The following PHACTR2 variants were observed in gnomAD, a reference collection of about 807,000 sequenced individuals.
PHACTR2 encodes the protein phosphatase and actin regulator 2, also known as chromosome 6 open reading frame 56.
Under a neutral mutation model 76.0 loss-of-function variants are expected in PHACTR2, and 30 were observed. That is an observed-to-expected ratio of 0.39 (90% CI 0.30 to 0.54). PHACTR2 has a LOEUF of 0.54. Among genes scored for constraint, PHACTR2 ranks in the 20% least tolerant of loss-of-function variants. The pLI is 0.61. For synonymous variants in PHACTR2, 292 were observed against 292.5 expected, an observed-to-expected ratio of 1.00 and a Z score of 0.02; for missense variants, 696 against 781.1, an observed-to-expected ratio of 0.89 and a Z score of 1.30.
At chr6:143,707,760 G>A (rs978807061) in intron 1 of PHACTR2, among the ~76,000 whole-genome samples, 1 of 152,124 alleles carries the variant, frequency 6.6e-6, no homozygotes, top group African/African-American at 2.4e-5. Context: ...AGAAATACCA[G>A]AGACTGGGTA....
rs12213949 is a variant in PHACTR2 at position 143,602,911 on chromosome 6, G to A, written c.217+65704G>A. On this transcript the variant is annotated intron_variant, in intron 1 of 11. Transcript: ENST00000367584. The surrounding 1 kb of genome is among the most constrained non-coding windows in gnomAD (Gnocchi z 6.1). Reference sequence around the variant, plus strand: ...TGTAACCCCAGCACTTTGGGAGGCCGAGGTGGGCAGATCACCCGTGGTCAG... The same window carrying A: ...TGTAACCCCAGCACTTTGGGAGGCCAAGGTGGGCAGATCACCCGTGGTCAG... Among the ~76,000 whole-genome samples, 11,840 of 152,124 alleles carry A rather than the reference G, an allele frequency of 0.078. 563 individuals carry two copies. The highest frequency in any genetic ancestry group is 0.1 in the Non-Finnish European group (7,043 of 67,996).
chr6:143,632,866 CT>C (rs1471238184), intron 1 of PHACTR2, among the ~76,000 whole-genome samples: 1 of 152,162 alleles, frequency 6.6e-6, no homozygotes, highest in East Asian at 1.9e-4. Context: ...GGTATATAAC[CT>C]TTTCAGATTG....
chr6:143,798,061 T>C (rs190595407), intron 11 of PHACTR2, among the ~76,000 whole-genome samples: 64 of 152,330 alleles, frequency 4.2e-4, no homozygotes, highest in South Asian at 2.1e-3. Context: ...GTTTCTGTCC[T>C]CTCTTATTTC....
rs1016632784 is a variant in PHACTR2, at chr6:143,755,044, A to T, written c.454+1132A>T. Among the ~76,000 whole-genome samples, 1 of 152,200 alleles carries T rather than the reference A, an allele frequency of 6.6e-6. No homozygotes were observed. The highest frequency in any genetic ancestry group is 1.5e-5 in the Non-Finnish European group (1 of 68,030). On this transcript the variant is annotated intron_variant, in intron 4 of 12. Coordinates refer to ENST00000440869, the MANE Select transcript of PHACTR2 (RefSeq NM_001100164.2). The surrounding 1 kb of genome is among the most constrained non-coding windows in gnomAD (Gnocchi z 5.2). ...ATTTGCATATATATTAGCCTTTAAAAGTTTTAGAAGCCTGTGTAAATAATC... is the reference window on the plus strand; with the variant it reads ...ATTTGCATATATATTAGCCTTTAAATGTTTTAGAAGCCTGTGTAAATAATC...
Position 143,663,935 on chromosome 6 carries a change from T to G in PHACTR2, c.14-48081T>G, listed in dbSNP as rs2128448978. On this transcript the variant is annotated intron_variant, in intron 1 of 11. Coordinates refer to the PHACTR2 transcript ENST00000305766. This position sits in a 1 kb window ranked among gnomAD's most constrained non-coding sequence, Gnocchi z 4.1. ...ACATCAAGCTTGTCAATGGGATTGT[T>G]TAAATTCATGACCTTAAAAATATTT... Among the ~76,000 whole-genome samples, 1 of 152,258 alleles carries G rather than the reference T, an allele frequency of 6.6e-6. No individual in the cohort carries two copies.
intron 9 of PHACTR2, among the ~76,000 whole-genome samples, chr6:143,781,456 TA>T (rs1775432062): frequency 6.6e-6 from 1 of 152,220 alleles, no homozygotes; most frequent in South Asian, 2.1e-4. Context: ...AAAAGTACCT[TA>T]AAAATATAGC....
Position 143,597,660 on chromosome 6 carries a change from T to A in PHACTR2, c.217+60453T>A, listed in dbSNP as rs1775769181. ...CCCTTCAAACAATACATGGTTCCAT[T>A]TGTGTTCTAGCATAGAGGTTTTTAA... On this transcript the variant is annotated intron_variant, in intron 1 of 11. Transcript: ENST00000367584. The surrounding 1 kb of genome is among the most constrained non-coding windows in gnomAD (Gnocchi z 5.7). Among the ~76,000 whole-genome samples the A allele has an allele frequency of 6.6e-6, 1 of 152,182 alleles. No homozygotes were observed. The highest frequency in any genetic ancestry group is 1.5e-5 in the Non-Finnish European group (1 of 68,032).
chr6:143,564,263 A>C, intron 1 of PHACTR2, among the ~76,000 whole-genome samples: 1 of 131,156 alleles, frequency 7.6e-6, no homozygotes, highest in Admixed American at 8.0e-5. Flanking sequence ...TAACCTTGGC[A>C]ACAGAGTGAG....
In PHACTR2 at chr6:143,739,848, T is replaced by C. The variant is rs1460008831; in HGVS notation, c.215-9137T>C. Among the ~76,000 whole-genome samples the C allele has an allele frequency of 6.6e-6, 1 of 152,098 alleles. No individual in the cohort carries two copies. Among genetic ancestry groups the C allele is most frequent in the East Asian group, 1.9e-4 (1 of 5,184 alleles). On this transcript the variant is annotated intron_variant, in intron 2 of 12. Transcript: ENST00000440869. The surrounding 1 kb of genome is among the most constrained non-coding windows in gnomAD (Gnocchi z 4.3). ...AGGTCTAAGACAATCACCTCTTCCC[T>C]CCTCCCACCTCGGTCTTATCTGTGA...
rs962450733 is a variant in PHACTR2 at position 143,777,843 on chromosome 6, C to A, written c.1645+460C>A. Among the ~76,000 whole-genome samples, 1 of 152,186 alleles carries A rather than the reference C, an allele frequency of 6.6e-6. No homozygotes were observed. Among genetic ancestry groups the A allele is most frequent in the Non-Finnish European group, 1.5e-5 (1 of 68,034 alleles). On this transcript the variant is annotated intron_variant, in intron 9 of 12. Transcript: ENST00000440869. The surrounding 1 kb of genome is among the most constrained non-coding windows in gnomAD (Gnocchi z 4.6). The stretch of plus-strand genomic sequence containing the variant: ...TCAAAACAAAATTTTCAATCCATTG[C>A]ATTTTCCTATGTTATGATAACTCGG...
chr6:143,572,076 T>C (rs12215667), intron 1 of PHACTR2, among the ~76,000 whole-genome samples: 93,324 of 152,136 alleles, frequency 0.61, 28,961 homozygotes, highest in Middle Eastern at 0.72. Context: ...AAAAAATCTG[T>C]TTTACTCTTT....
chr6:143,810,848 A>G (rs1434718730), intron 12 of PHACTR2, among the ~76,000 whole-genome samples: 1 of 151,746 alleles, frequency 6.6e-6, no homozygotes, highest in Non-Finnish European at 1.5e-5. Context: ...AAAAAAAATT[A>G]TGTGATCAAT....
intron 11 of PHACTR2, among the ~76,000 whole-genome samples, chr6:143,804,415 C>A (rs1357197266): frequency 6.6e-6 from 1 of 152,120 alleles, no homozygotes; most frequent in Admixed American, 6.5e-5. Context: ...CAGACTGGCA[C>A]GTATCACCTC....
rs750197677 is a variant in PHACTR2 at position 143,816,629 on chromosome 6, A to G, written c.1923-7045A>G. On this transcript the variant is annotated intron_variant, in intron 12 of 12. Coordinates refer to ENST00000440869, the MANE Select transcript of PHACTR2 (RefSeq NM_001100164.2). The surrounding 1 kb of genome is among the most constrained non-coding windows in gnomAD (Gnocchi z 4.5). ...TGGTGGCCTGTGACCTTCCAATGCAATCTAGACTGTGGAACTCACTGTGTA... is the reference window on the plus strand; with the variant it reads ...TGGTGGCCTGTGACCTTCCAATGCAGTCTAGACTGTGGAACTCACTGTGTA... Among the ~76,000 whole-genome samples the G allele has an allele frequency of 5.9e-5, 9 of 152,026 alleles. No individual in the cohort carries two copies. The highest frequency in any genetic ancestry group is 2.1e-4 in the South Asian group (1 of 4,822).
chr6:143,690,346 C>G (rs1277816995), intron 1 of PHACTR2, among the ~76,000 whole-genome samples: 3 of 152,194 alleles, frequency 2.0e-5, no homozygotes, highest in Non-Finnish European at 2.9e-5. Context: ...CTTCATCACA[C>G]CAGGGGGATT....
chr6:143,716,530 G>A (rs1406152241), intron 2 of PHACTR2, among the ~76,000 whole-genome samples: 2 of 152,148 alleles, frequency 1.3e-5, no homozygotes, highest in Non-Finnish European at 2.9e-5. Context: ...GTAGAGATGG[G>A]GTTTCACCAT....
In PHACTR2 at chr6:143,774,242, C is replaced by G; in HGVS notation, c.1589+27C>G. ...TAATTGCTAACATTTTAGGACAGTACTGACTAATTTGTATTTTTCTCCCTC... is the reference window on the plus strand; with the variant it reads ...TAATTGCTAACATTTTAGGACAGTAGTGACTAATTTGTATTTTTCTCCCTC... On this transcript the variant is annotated intron_variant, in intron 8 of 12. Transcript: ENST00000440869. This position sits in a 1 kb window ranked among gnomAD's most constrained non-coding sequence, Gnocchi z 5.4. The G allele has an allele frequency of 6.3e-7, 1 of 1,592,048 alleles. No individual in the cohort carries two copies. Among genetic ancestry groups the G allele is most frequent in the Non-Finnish European group, 8.6e-7 (1 of 1,163,302 alleles).
Position 143,621,467 on chromosome 6 carries a change from A to T in PHACTR2, c.13+13145A>T, listed in dbSNP as rs1004633813. The stretch of plus-strand genomic sequence containing the variant: ...CAGCTACAAGGAAGCTCACCTGTCA[A>T]GCACCAACGCTTTATTTTAATTGGT... On this transcript the variant is annotated intron_variant, in intron 1 of 11. Transcript: ENST00000305766. The surrounding 1 kb of genome is among the most constrained non-coding windows in gnomAD (Gnocchi z 4.1). Among the ~76,000 whole-genome samples, 40 of 152,222 alleles carry T rather than the reference A, an allele frequency of 2.6e-4. No homozygotes were observed. The highest frequency in any genetic ancestry group is 8.2e-4 in the African/African-American group (34 of 41,468).
intron 12 of PHACTR2, chr6:143,810,673 AT>A (rs1408721620): frequency 2.8e-6 from 1 of 358,768 alleles, no homozygotes; most frequent in Non-Finnish European, 5.6e-6. Flanking sequence ...CTAGAAAAAA[AT>A]TTTAAAAATT....
Sources: gnomAD v4.1 joint callset for allele counts (sites outside exome capture counted in the v4.1 genomes callset) on GRCh38, gnomAD v4.1.1 for gene constraint, Gnocchi (gnomAD v3.1) non-coding constraint, MANE v1.5 for transcripts, NCBI Gene and HGNC (gene_info 2026-07-23, HGNC 2026-07-21) for gene names.